Variants in PHACTR2 observed in about 807,000 individuals in gnomAD.
The protein encoded by PHACTR2 is chromosome 6 open reading frame 56.
Under a neutral mutation model 76.0 loss-of-function variants are expected in PHACTR2, and 30 were observed. The ratio of observed to expected loss-of-function variants is 0.39; its 90% CI spans 0.30 to 0.54. The LOEUF is 0.54. PHACTR2 is among the 20% of genes least tolerant of loss of function. The probability of loss-of-function intolerance (pLI) is 0.61; values close to 1 mark genes in which losing one functional copy is unlikely to be tolerated. For synonymous variants in PHACTR2, 292 were observed against 292.5 expected (o/e 1.00, Z 0.02); for missense variants, 696 against 781.1 (o/e 0.89, Z 1.30).
chr6:143,712,238 G>T, intron 2 of PHACTR2, 55 bp downstream of exon 2: 1 of 1,204,210 alleles, frequency 8.3e-7, no homozygotes, highest in South Asian at 2.5e-5. Flanking sequence ...CGTTTTAAAA[G>T]GTAGAAAATT....
rs1361983653 is a variant in PHACTR2 at position 143,700,711 on chromosome 6, G to T, written c.47-11305G>T. Among the ~76,000 whole-genome samples, 2 of 152,252 alleles carry T rather than the reference G, an allele frequency of 1.3e-5. No individual in the cohort carries two copies. Among genetic ancestry groups the T allele is most frequent in the African/African-American group, 2.4e-5 (1 of 41,464 alleles). ...GGGTGATCATTATCCTATCATGGAT[G>T]AGTTGAAATTCTTTCACTTGGCAGA... On this transcript the variant is annotated intron_variant, in intron 1 of 12. Coordinates refer to ENST00000440869, the MANE Select transcript of PHACTR2 (RefSeq NM_001100164.2). The surrounding 1 kb of genome is among the most constrained non-coding windows in gnomAD (Gnocchi z 4.1).
At position 143,619,154 on chromosome 6, in the gene PHACTR2, G is replaced by A. The variant is rs1776109373; in HGVS notation, c.13+10832G>A. On this transcript the variant is annotated intron_variant, in intron 1 of 11. Coordinates refer to the PHACTR2 transcript ENST00000305766. The surrounding 1 kb of genome is among the most constrained non-coding windows in gnomAD (Gnocchi z 4.5). ...TTGTGCAATTAAAATCTTCCTGCCT[G>A]TCTGTCTGTCCATCCATCCATCCAT... Among the ~76,000 whole-genome samples the A allele has an allele frequency of 8.7e-6, 1 of 114,658 alleles. No homozygotes were observed. Among genetic ancestry groups the A allele is most frequent in the Non-Finnish European group, 2.2e-5 (1 of 45,688 alleles). The allele number at this position is 114,658 out of a possible 152,430, so 75.2% of individuals were successfully genotyped here. A position where few individuals can be genotyped will look rare whatever the true frequency, so the allele number is the denominator to read the frequency against.
chr6:143,814,868 C>G (rs927116602), intron 12 of PHACTR2, among the ~76,000 whole-genome samples: 1 of 152,160 alleles, frequency 6.6e-6, no homozygotes, highest in African/African-American at 2.4e-5. Flanking sequence ...TCCCAAAGTG[C>G]TGGGATTACA....
intron 2 of PHACTR2, among the ~76,000 whole-genome samples, chr6:143,713,771 T>C (rs1323059197): frequency 6.6e-6 from 1 of 152,202 alleles, no homozygotes; most frequent in Non-Finnish European, 1.5e-5. Flanking sequence ...CTTGTTCTCC[T>C]CTGTTTTTTG....
chr6:143,704,110 T>A (rs1298067110), intron 1 of PHACTR2, among the ~76,000 whole-genome samples: 1 of 150,422 alleles, frequency 6.6e-6, no homozygotes, highest in Admixed American at 6.6e-5. Context: ...TGTGTGTGTG[T>A]GTGTGTGTGT....
chr6:143,656,839 CA>C lies in PHACTR2; in HGVS notation c.13+48524del, dbSNP rs1369952957. Among the ~76,000 whole-genome samples the C allele has an allele frequency of 7.9e-5, 12 of 152,220 alleles. No individual in the cohort carries two copies. In the South Asian group the frequency reaches 2.5e-3, roughly 32 times the overall value. ...ACATGTTAATTCCCAAACTTAGTTT[CA>C]AAAAAACTATCTGCCAGGTTTCAAA... On this transcript the variant is annotated intron_variant, in intron 1 of 11. Transcript: ENST00000305766. The surrounding 1 kb of genome is among the most constrained non-coding windows in gnomAD (Gnocchi z 5.3).
chr6:143,811,145 GA>G lies in PHACTR2; in HGVS notation c.1922+4015del, dbSNP rs764456180. Among the ~76,000 whole-genome samples, 23 of 152,124 alleles carry G rather than the reference GA, an allele frequency of 1.5e-4. No individual in the cohort carries two copies. The highest frequency in any genetic ancestry group is 3.1e-4 in the Non-Finnish European group (21 of 68,016). On this transcript the variant is annotated intron_variant, in intron 12 of 12. Transcript: ENST00000440869. The surrounding 1 kb of genome is among the most constrained non-coding windows in gnomAD (Gnocchi z 4.1). ...TGCATTTATTTGTGTGTATGATTCA[GA>G]AAGTAAACTAACTTTACTTTTTTCT...
At chr6:143,720,941 CT>C (rs2128463241) in intron 2 of PHACTR2, among the ~76,000 whole-genome samples, 1 of 152,326 alleles carries the variant, frequency 6.6e-6, no homozygotes, top group South Asian at 2.1e-4. Flanking sequence ...TCTACTGCAG[CT>C]CCATGGCTCC....
chr6:143,629,304 A>G (rs1383250845), intron 1 of PHACTR2, among the ~76,000 whole-genome samples: 2 of 152,152 alleles, frequency 1.3e-5, no homozygotes, highest in African/African-American at 4.8e-5. Context: ...GAGAAAGAGC[A>G]GAACATATTT....
intron 1 of PHACTR2, among the ~76,000 whole-genome samples, chr6:143,693,550 A>AT (rs929248712): frequency 9.9e-5 from 15 of 152,040 alleles, no homozygotes; most frequent in Non-Finnish European, 1.5e-5. Flanking sequence ...TTTTTTCTGT[A>AT]TTTTTTAAAT....
In PHACTR2 at chr6:143,765,650, G is replaced by A; in HGVS notation, c.1084G>A (p.Asp362Asn). ...TGAGGATCAGTGCATTACTGCCTCA[G>A]ACACTCCAGTTGTCCTCGTCAGCGT... ...PLEDQCITAS[D>N]TPVVLVSVGA... Residue 362 changes from aspartate (D) to asparagine (N), a missense_variant, in exon 6 of 13, where the codon GAC (aspartate) becomes AAC (asparagine). Asp to Asn is a conservative substitution (Grantham distance 23). Transcript: ENST00000440869. This position sits in a 1 kb window ranked among gnomAD's most constrained non-coding sequence, Gnocchi z 4.1. The A allele has an allele frequency of 6.2e-7, 1 of 1,614,168 alleles. No individual in the cohort carries two copies. Among genetic ancestry groups the A allele is most frequent in the Non-Finnish European group, 8.5e-7 (1 of 1,180,040 alleles).
chr6:143,560,533 T>C (rs148586062), intron 1 of PHACTR2, among the ~76,000 whole-genome samples: 1 of 152,368 alleles, frequency 6.6e-6, no homozygotes, highest in African/African-American at 2.4e-5. Flanking sequence ...CTCTACTATG[T>C]GGACAGCAAT....
intron 2 of PHACTR2, 163 bp downstream of exon 2, chr6:143,712,346 G>A: frequency 1.8e-5 from 7 of 384,766 alleles, no homozygotes; most frequent in Non-Finnish European, 2.7e-5. Flanking sequence ...CAACTTAAGA[G>A]TTCTGATTTG....
At chr6:143,713,850 A>G (rs1441677991) in intron 2 of PHACTR2, among the ~76,000 whole-genome samples, 2 of 152,196 alleles carry the variant, frequency 1.3e-5, no homozygotes, top group Non-Finnish European at 2.9e-5. Flanking sequence ...CATTGGGAGA[A>G]TCTGGCTCTT....
intron 1 of PHACTR2, among the ~76,000 whole-genome samples, chr6:143,661,826 G>A (rs887336610): frequency 1.3e-5 from 2 of 151,888 alleles, no homozygotes; most frequent in South Asian, 4.1e-4. Context: ...AAAAGTGCTG[G>A]GATTACAAGC....
chr6:143,592,712 C>G lies in PHACTR2; in HGVS notation c.217+55505C>G, dbSNP rs1343052953. Among the ~76,000 whole-genome samples the G allele has an allele frequency of 1.3e-5, 2 of 152,020 alleles. No individual in the cohort carries two copies. The highest frequency in any genetic ancestry group is 2.9e-5 in the Non-Finnish European group (2 of 68,010). Reference sequence around the variant, plus strand: ...CTTGGGTTCCATCCCCAGTTCATTCCATATTCATTGTCTACATTACACAAA... The same window carrying G: ...CTTGGGTTCCATCCCCAGTTCATTCGATATTCATTGTCTACATTACACAAA... On this transcript the variant is annotated intron_variant, in intron 1 of 11. Transcript: ENST00000367584. The surrounding 1 kb of genome is among the most constrained non-coding windows in gnomAD (Gnocchi z 4.0).
Position 143,827,310 on chromosome 6 carries a change from A to G in PHACTR2, c.*3621A>G, listed in dbSNP as rs1776567912. The G allele has an allele frequency of 6.6e-6, 1 of 151,304 alleles. No individual in the cohort carries two copies. Among genetic ancestry groups the G allele is most frequent in the African/African-American group, 2.4e-5 (1 of 41,210 alleles). The allele number at this position is 151,304 out of a possible 1,614,324, so 9.4% of individuals were successfully genotyped here. A position where few individuals can be genotyped will look rare whatever the true frequency, so the allele number is the denominator to read the frequency against. ...ATAACAGGCATTTTATTTATGCTTC[A>G]TAGAATCAGACAGACACAACTTTCA... On this transcript the variant is annotated 3_prime_UTR_variant, in exon 13 of 13. Coordinates refer to ENST00000440869, the MANE Select transcript of PHACTR2 (RefSeq NM_001100164.2).
At chr6:143,804,168 A>G (rs535584014) in intron 11 of PHACTR2, among the ~76,000 whole-genome samples, 4 of 152,226 alleles carry the variant, frequency 2.6e-5, no homozygotes, top group Non-Finnish European at 5.9e-5. Flanking sequence ...CTGTGGCATC[A>G]GGTGAGATGC....
In PHACTR2 at chr6:143,648,764, C is replaced by CTG. The variant is rs1776702848; in HGVS notation, c.13+40453_13+40454dup. On this transcript the variant is annotated intron_variant, in intron 1 of 11. Transcript: ENST00000305766. The surrounding 1 kb of genome is among the most constrained non-coding windows in gnomAD (Gnocchi z 6.7). Reference sequence around the variant, plus strand: ...CCAGGATGTGCACGTGTGTGTGTCTCTGTGTGTGTGTGGGCATGTGTCTCT... The same window carrying CTG: ...CCAGGATGTGCACGTGTGTGTGTCTCTGTGTGTGTGTGTGGGCATGTGTCTCT... Among the ~76,000 whole-genome samples the CTG allele has an allele frequency of 6.6e-6, 1 of 151,540 alleles. No individual in the cohort carries two copies. Among genetic ancestry groups the CTG allele is most frequent in the South Asian group, 2.1e-4 (1 of 4,776 alleles).
Sources: allele counts gnomAD v4.1 joint callset (sites outside exome capture counted in the v4.1 genomes callset), GRCh38; gene constraint gnomAD v4.1.1; non-coding constraint Gnocchi (gnomAD v3.1); transcripts MANE v1.5; gene names NCBI Gene and HGNC (gene_info 2026-07-23, HGNC 2026-07-21).